SGCZ: variants seen among roughly 807,000 people sequenced by gnomAD.
SGCZ encodes sarcoglycan zeta.
A neutral mutation model predicts 41.3 loss-of-function variants in SGCZ; 40 were observed. That is an observed-to-expected ratio of 0.97 (90% CI 0.75 to 1.26). The LOEUF is 1.26. Among genes scored for constraint, SGCZ ranks in the 50% most tolerant of loss-of-function variants. The pLI is 0.00. For synonymous variants in SGCZ, 206 were observed against 137.5 expected, an observed-to-expected ratio of 1.50 and a Z score of -3.49; for missense variants, 552 against 369.8, an observed-to-expected ratio of 1.49 and a Z score of -4.04.
intron 2 of SGCZ, among the ~76,000 whole-genome samples, chr8:14,394,334 A>G (rs1804903106): frequency 1.3e-5 from 2 of 151,896 alleles, no homozygotes; most frequent in South Asian, 4.2e-4. Context: ...TGTTTCTAAC[A>G]GAGACTGGGT....
intron 1 of SGCZ, among the ~76,000 whole-genome samples, chr8:14,909,152 A>T (rs980355559): frequency 6.6e-6 from 1 of 152,274 alleles, no homozygotes; most frequent in East Asian, 1.9e-4. Context: ...TTACTTTAAC[A>T]TCCAGCCCAC....
intron 1 of SGCZ, among the ~76,000 whole-genome samples, chr8:14,910,167 A>C (rs1170577707): frequency 6.7e-6 from 1 of 148,740 alleles, no homozygotes; most frequent in Non-Finnish European, 1.5e-5. Flanking sequence ...GGCTTGTACC[A>C]TCTTCAAAAC....
chr8:15,011,071 T>C (rs1802810839), intron 1 of SGCZ, among the ~76,000 whole-genome samples: 1 of 152,230 alleles, frequency 6.6e-6, no homozygotes, highest in African/African-American at 2.4e-5. Flanking sequence ...ATTTCCAAAA[T>C]GGACAAAGCC....
Position 14,660,837 on chromosome 8 carries a change from T to A in SGCZ, c.40-105911A>T, listed in dbSNP as rs553233674. ...GTAGTCCATATTTAAGAGAGAGTAG[T>A]TTTGTTTATATTGCTTTGTTCTAAC... On this transcript the variant is annotated intron_variant, in intron 1 of 7. Transcript: ENST00000382080. Among the ~76,000 whole-genome samples, 9 of 152,216 alleles carry A rather than the reference T, an allele frequency of 5.9e-5. No homozygotes were observed. The South Asian group carries it at 1.9e-3, about 32-fold the overall frequency.
intron 1 of SGCZ, among the ~76,000 whole-genome samples, chr8:15,187,014 A>T (rs1800370378): frequency 1.3e-5 from 2 of 152,208 alleles, no homozygotes. Flanking sequence ...ACCCTAACTC[A>T]TATAAAGCAT....
rs183624112 is a variant in SGCZ, at chr8:14,914,230, G to T, written c.39+323355C>A. ...ATTTTATATATATAAATATGTATGC[G>T]TATATATATATAGAGAGTGTGTAAT... is the stretch of plus-strand genomic sequence containing the variant. On this transcript the variant is annotated intron_variant, in intron 1 of 7. Coordinates refer to ENST00000382080, the MANE Select transcript of SGCZ (RefSeq NM_139167.4). 1.5e-3 allele frequency among the ~76,000 whole-genome samples: 205 copies of T among 140,560 alleles called. 1 individual carries two copies. The highest frequency in any genetic ancestry group is 5.7e-3 in the African/African-American group (192 of 33,512). The allele number at this position is 140,560 out of a possible 152,430, so 92.2% of individuals were successfully genotyped here.
chr8:14,862,177 G>A (rs147143786), intron 1 of SGCZ, among the ~76,000 whole-genome samples: 37 of 152,152 alleles, frequency 2.4e-4, no homozygotes, highest in African/African-American at 7.0e-4. Flanking sequence ...TGTTGATATA[G>A]GCCACCAGAA....
chr8:14,152,497 C>G (rs1361587436), intron 5 of SGCZ, among the ~76,000 whole-genome samples: 1 of 152,118 alleles, frequency 6.6e-6, no homozygotes, highest in East Asian at 1.9e-4. Flanking sequence ...GATCCTGTCT[C>G]TTAAAGCACA....
chr8:14,312,238 T>C (rs1801570641), intron 3 of SGCZ, among the ~76,000 whole-genome samples: 1 of 152,168 alleles, frequency 6.6e-6, no homozygotes, highest in South Asian at 2.1e-4. Flanking sequence ...TTACTGTGGT[T>C]CAAATTCAAA....
At chr8:14,543,666 C>T (rs1209234715) in intron 2 of SGCZ, among the ~76,000 whole-genome samples, 1 of 152,076 alleles carries the variant, frequency 6.6e-6, no homozygotes, top group Non-Finnish European at 1.5e-5. Flanking sequence ...TCCTACTTGG[C>T]CATCTTAGTT....
At chr8:14,222,324 C>T (rs965039147) in intron 4 of SGCZ, among the ~76,000 whole-genome samples, 4 of 151,942 alleles carry the variant, frequency 2.6e-5, no homozygotes, top group Admixed American at 6.6e-5. Context: ...CACCCACCAC[C>T]ATACCCAACT....
intron 2 of SGCZ, among the ~76,000 whole-genome samples, chr8:14,380,296 A>T (rs1804310529): frequency 6.6e-6 from 1 of 152,038 alleles, no homozygotes; most frequent in East Asian, 1.9e-4. Context: ...CATTTCTTTG[A>T]TGCTTTTTCT....
intron 2 of SGCZ, among the ~76,000 whole-genome samples, chr8:14,477,681 A>T (rs1421168576): frequency 5.9e-5 from 9 of 152,172 alleles, no homozygotes; most frequent in Non-Finnish European, 1.5e-5. Flanking sequence ...TTCTAAACAT[A>T]AATTTTTTGA....
intron 2 of SGCZ, among the ~76,000 whole-genome samples, chr8:14,548,450 T>A (rs1803699245): frequency 6.6e-6 from 1 of 152,208 alleles, no homozygotes; most frequent in Non-Finnish European, 1.5e-5. Context: ...AATTGTTGCA[T>A]ATAAAAAACA....
At chr8:14,132,249 A>G (rs746927178) in intron 5 of SGCZ, among the ~76,000 whole-genome samples, 3 of 152,092 alleles carry the variant, frequency 2.0e-5, no homozygotes, top group Non-Finnish European at 4.4e-5. Context: ...TGGCTAGTAT[A>G]TGTTCTATTT....
chr8:14,783,077 TGG>T (rs1563266026), intron 1 of SGCZ, among the ~76,000 whole-genome samples: 1 of 152,190 alleles, frequency 6.6e-6, no homozygotes, highest in Non-Finnish European at 1.5e-5. Context: ...CCATGAGATT[TGG>T]GGGCTTCTAA....
At chr8:15,046,878 G>C (rs61156432) in intron 1 of SGCZ, among the ~76,000 whole-genome samples, 1 of 151,806 alleles carries the variant, frequency 6.6e-6, no homozygotes, top group Non-Finnish European at 1.5e-5. Context: ...GAGAAAATAT[G>C]TCTCCTACTA....
chr8:14,175,583 G>C (rs1302392906), intron 4 of SGCZ, among the ~76,000 whole-genome samples: 1 of 151,684 alleles, frequency 6.6e-6, no homozygotes, highest in African/African-American at 2.4e-5. Context: ...TTTTTCTTTT[G>C]GCATAACTAC....
chr8:14,825,984 A>G (rs982980706), intron 1 of SGCZ, among the ~76,000 whole-genome samples: 1 of 151,866 alleles, frequency 6.6e-6, no homozygotes, highest in Non-Finnish European at 1.5e-5. Context: ...CATGTGCACA[A>G]TGTGCAGGTT....
Sources: allele counts gnomAD v4.1 joint callset (sites outside exome capture counted in the v4.1 genomes callset), GRCh38; gene constraint gnomAD v4.1.1; transcripts MANE v1.5; gene names NCBI Gene and HGNC (gene_info 2026-07-23, HGNC 2026-07-21).